The following GABRG1 variants were observed in gnomAD, a reference collection of about 807,000 sequenced individuals.
GABRG1 encodes the protein gamma-aminobutyric acid type A receptor subunit gamma1, also known as gamma-aminobutyric acid receptor subunit gamma-1.
GABRG1 carries 49 observed loss-of-function variants against 49.8 expected under a neutral mutation model. The observed-to-expected ratio is 0.98, with a 90% CI of 0.78 to 1.25. The LOEUF is 1.25. GABRG1 is among the 50% of genes most tolerant of loss of function. The pLI is 0.00. For missense variants in GABRG1, 552 were observed against 552.3 expected, an observed-to-expected ratio of 1.00 and a Z score of 0.01; for synonymous variants, 232 against 185.1, an observed-to-expected ratio of 1.25 and a Z score of -2.06.
intron 1 of GABRG1, among the ~76,000 whole-genome samples, chr4:46,103,206 G>A (rs1322657962): frequency 6.6e-6 from 1 of 151,498 alleles, no homozygotes; most frequent in Admixed American, 6.6e-5. Context: ...TGAGGAATGT[G>A]AGTAAACCCT....
chr4:46,061,200 TATCA>T (rs1434432636), intron 5 of GABRG1, among the ~76,000 whole-genome samples: 1 of 152,184 alleles, frequency 6.6e-6, no homozygotes, highest in African/African-American at 2.4e-5. Flanking sequence ...CCTTGAATTC[TATCA>T]ATCAAGTATT....
At chr4:46,057,996 G>A (rs1037306538) in intron 7 of GABRG1, among the ~76,000 whole-genome samples, 2 of 151,932 alleles carry the variant, frequency 1.3e-5, no homozygotes, top group African/African-American at 2.4e-5. Flanking sequence ...GCAGAAAAAA[G>A]AAGGAATTTT....
Position 46,041,052 on chromosome 4 carries a change from A to G in GABRG1, c.1334T>C (p.Ile445Thr). 1 of 1,612,994 alleles carries G rather than the reference A, an allele frequency of 6.2e-7. No individual in the cohort carries two copies. Residue 445 changes from isoleucine to threonine, a missense_variant, in exon 9 of 9, where the codon ATA (isoleucine) becomes ACA (threonine). Ile to Thr is a moderately conservative substitution (Grantham distance 89). Transcript: ENST00000295452. Reference protein sequence around the residue: ...RIAKIDSYSRIFFPTAFALFN... With the variant: ...RIAKIDSYSRTFFPTAFALFN... ...CAGGGCAAAAGCGGTTGGGAAAAAT[A>G]TTCTAGAATAAGAGTCAATTTTGGC... is the stretch of plus-strand genomic sequence containing the variant.
At chr4:46,116,421 C>T (rs1404326261) in intron 1 of GABRG1, among the ~76,000 whole-genome samples, 1 of 150,734 alleles carries the variant, frequency 6.6e-6, no homozygotes, top group East Asian at 2.0e-4. Flanking sequence ...CATTCACACT[C>T]TCTGAGACTT....
intron 7 of GABRG1, among the ~76,000 whole-genome samples, chr4:46,057,845 A>T (rs1162883425): frequency 1.3e-5 from 2 of 152,126 alleles, no homozygotes; most frequent in African/African-American, 2.4e-5. Context: ...AACAGTGGTT[A>T]TTAGTGACTC....
intron 3 of GABRG1, among the ~76,000 whole-genome samples, chr4:46,072,211 T>C (rs1719155961): frequency 6.6e-6 from 1 of 152,148 alleles, no homozygotes; most frequent in Non-Finnish European, 1.5e-5. Context: ...TTGGGCTATA[T>C]GATACAGCCA....
At chr4:46,090,018 CTGGA>C (rs1194870007) in intron 2 of GABRG1, among the ~76,000 whole-genome samples, 1 of 151,974 alleles carries the variant, frequency 6.6e-6, no homozygotes, top group Non-Finnish European at 1.5e-5. Flanking sequence ...GGAAGCTTAA[CTGGA>C]TGAACAAAAC....
chr4:46,071,734 A>G (rs1387096367), intron 3 of GABRG1, among the ~76,000 whole-genome samples: 13 of 151,982 alleles, frequency 8.6e-5, no homozygotes, highest in Non-Finnish European at 1.5e-4. Flanking sequence ...AGCTAAAAAA[A>G]AAATTGAAAA....
Position 46,119,539 on chromosome 4 carries a change from C to T in GABRG1, c.104+4271G>A, listed in dbSNP as rs535107449. 6.6e-5 allele frequency among the ~76,000 whole-genome samples: 10 copies of T among 151,466 alleles called. No individual in the cohort carries two copies. In the Admixed American group the frequency reaches 6.6e-4, roughly 10 times the overall value. On this transcript the variant is annotated intron_variant, in intron 1 of 8. Transcript: ENST00000295452. ...GAGGCTATATTCTTCTTCTTCTTCT[C>T]ATTAGGTAATTTGGCTAAGTATAAT...
intron 8 of GABRG1, among the ~76,000 whole-genome samples, chr4:46,050,662 G>T (rs1217188241): frequency 6.6e-6 from 1 of 151,734 alleles, no homozygotes; most frequent in South Asian, 2.1e-4. Context: ...AGGGTCACAC[G>T]CTTGAGCTCT....
In GABRG1 at chr4:46,041,182, A is replaced by C. The variant is rs747132397; in HGVS notation, c.1204T>G (p.Tyr402Asp). The change falls in exon 9 of 9, where the codon TAT becomes GAT. Residue 402 changes from tyrosine (Y) to aspartate (D), a missense_variant. Transcript: ENST00000295452. Reference sequence around the variant, plus strand: ...TTGCCCTCCAAACACTGATACCCATAATCATCTTCTTGCGGCACAGAAATA... The same window carrying C: ...TTGCCCTCCAAACACTGATACCCATCATCATCTTCTTGCGGCACAGAAATA... ...NNISVPQEDD[Y>D]GYQCLEGKDC... 1.9e-6 allele frequency: 3 copies of C among 1,613,008 alleles called. No homozygotes were observed. Among genetic ancestry groups the C allele is most frequent in the Non-Finnish European group, 1.7e-6 (2 of 1,179,324 alleles).
At chr4:46,111,032 C>A (rs893899026) in intron 1 of GABRG1, among the ~76,000 whole-genome samples, 5 of 150,844 alleles carry the variant, frequency 3.3e-5, no homozygotes, top group Admixed American at 6.6e-5. Flanking sequence ...TAAAAGGCAT[C>A]GAACAGAAAA....
At chr4:46,041,349 G>A in intron 8 of GABRG1, 95 bp from the exon 9 acceptor site, 2 of 1,036,388 alleles carry the variant, frequency 1.9e-6, no homozygotes, top group Non-Finnish European at 1.4e-6. Flanking sequence ...AGACTGACAG[G>A]TAATGAAAAT....
intron 7 of GABRG1, among the ~76,000 whole-genome samples, chr4:46,057,469 C>A (rs1434237356): frequency 6.6e-6 from 1 of 151,992 alleles, no homozygotes; most frequent in Non-Finnish European, 1.5e-5. Flanking sequence ...AATTGATTAA[C>A]AAGTTTTATT....
At chr4:46,091,060 C>T (rs371947934) in intron 2 of GABRG1, among the ~76,000 whole-genome samples, 5 of 151,156 alleles carry the variant, frequency 3.3e-5, no homozygotes, top group African/African-American at 7.3e-5. Context: ...CTAAATTGTA[C>T]GTATGTGATG....
Position 46,085,452 on chromosome 4 carries a change from T to G in GABRG1, c.254-1399A>C, listed in dbSNP as rs191123225. Among the ~76,000 whole-genome samples, 16 of 151,718 alleles carry G rather than the reference T, an allele frequency of 1.1e-4. No individual in the cohort carries two copies. The Admixed American group carries it at 1.1e-3, about 10-fold the overall frequency. ...ATCATATCAGTAAGTCCAATATTGC[T>G]ACTAATATAGAAGATACTTAGTTAA... On this transcript the variant is annotated intron_variant, in intron 2 of 8. Transcript: ENST00000295452.
chr4:46,118,590 CA>C (rs1057277565), intron 1 of GABRG1, among the ~76,000 whole-genome samples: 84 of 151,154 alleles, frequency 5.6e-4, no homozygotes, highest in African/African-American at 2.0e-3. Flanking sequence ...CACTATAGGG[CA>C]ATGACTTTGT....
chr4:46,051,739 C>T, intron 7 of GABRG1, 101 bp from the exon 8 acceptor site: 1 of 648,174 alleles, frequency 1.5e-6, no homozygotes, highest in Non-Finnish European at 2.6e-6. Context: ...ACAATAGAAA[C>T]AAAAATATGA....
chr4:46,072,059 T>C (rs971207718), intron 3 of GABRG1, among the ~76,000 whole-genome samples: 8 of 152,100 alleles, frequency 5.3e-5, no homozygotes, highest in Non-Finnish European at 1.0e-4. Context: ...TATGCAGGTA[T>C]ACCATTTTTA....
Sources: gnomAD v4.1 joint callset for allele counts (sites outside exome capture counted in the v4.1 genomes callset) on GRCh38, gnomAD v4.1.1 for gene constraint, MANE v1.5 for transcripts, NCBI Gene and HGNC (gene_info 2026-07-23, HGNC 2026-07-21) for gene names.